Variants in TTC7A observed in about 807,000 individuals in gnomAD.
The protein encoded by TTC7A is tetratricopeptide repeat domain 7A.
Under a neutral mutation model 103.7 loss-of-function variants are expected in TTC7A, and 110 were observed. The ratio of observed to expected loss-of-function variants is 1.06; its 90% CI spans 0.91 to 1.24. The LOEUF (loss-of-function observed/expected upper bound fraction) is 1.24, where lower values mean the gene tolerates loss of function less well. Ranked by LOEUF, TTC7A falls within the 50% of genes most tolerant of loss-of-function variation. The pLI is 0.00. For synonymous variants in TTC7A, 521 were observed against 467.9 expected, an observed-to-expected ratio of 1.11 and a Z score of -1.47; for missense variants, 1,340 against 1,116.3, an observed-to-expected ratio of 1.20 and a Z score of -2.86.
chr2:47,046,452 C>A, intron 16 of TTC7A, 21 bp downstream of exon 16: 1 of 1,603,122 alleles, frequency 6.2e-7, no homozygotes, highest in African/African-American at 1.3e-5. Context: ...GTCATTGTCT[C>A]TTGGGTTGCC....
chr2:46,919,052 T>C (rs1275414572), intron 2 of TTC7A, among the ~76,000 whole-genome samples: 1 of 152,208 alleles, frequency 6.6e-6, no homozygotes, highest in Non-Finnish European at 1.5e-5. Flanking sequence ...CTAGGTGGCA[T>C]CTCTTTCCTC....
intron 16 of TTC7A, among the ~76,000 whole-genome samples, chr2:47,047,660 G>C (rs959942171): frequency 1.4e-4 from 22 of 152,226 alleles, no homozygotes; most frequent in African/African-American, 5.1e-4. Context: ...ATCCTTATCT[G>C]GATGGCTGCT....
intron 11 of TTC7A, among the ~76,000 whole-genome samples, chr2:47,017,514 G>A (rs1678801448): frequency 6.6e-6 from 1 of 152,144 alleles, no homozygotes; most frequent in South Asian, 2.1e-4. Context: ...TCCAGCCTGG[G>A]TTACAGAGCG....
At chr2:47,017,524 G>A (rs1678802732) in intron 11 of TTC7A, among the ~76,000 whole-genome samples, 1 of 152,092 alleles carries the variant, frequency 6.6e-6, no homozygotes, top group Non-Finnish European at 1.5e-5. Context: ...GTTACAGAGC[G>A]AGACCCCATC....
chr2:47,028,546 T>C (rs929444334), intron 14 of TTC7A, among the ~76,000 whole-genome samples: 1 of 152,098 alleles, frequency 6.6e-6, no homozygotes, highest in African/African-American at 2.4e-5. Context: ...CCAGTGAAAA[T>C]TGGGACCCAT....
chr2:47,061,346 G>T (rs1405724063), intron 19 of TTC7A, among the ~76,000 whole-genome samples: 1 of 152,188 alleles, frequency 6.6e-6, no homozygotes, highest in African/African-American at 2.4e-5. Context: ...ACTCTAGGTG[G>T]TTACCAAAAT....
chr2:47,040,383 C>G (rs560366835), intron 15 of TTC7A: 5 of 152,274 alleles, frequency 3.3e-5, no homozygotes, highest in Admixed American at 3.3e-4. Flanking sequence ...TATCATCCTT[C>G]GATGCCGATG....
intron 3 of TTC7A, 181 bp from the exon 4 acceptor site, chr2:46,974,792 C>T (rs754809970): frequency 2.3e-5 from 18 of 791,836 alleles, no homozygotes; most frequent in African/African-American, 3.4e-5. Flanking sequence ...TCGCTTACTC[C>T]CAGCCACTGC....
chr2:46,950,592 T>C, intron 2 of TTC7A, 66 bp downstream of exon 2: 1 of 1,544,910 alleles, frequency 6.5e-7, no homozygotes, highest in Non-Finnish European at 8.8e-7. Context: ...ATCTGTCCAG[T>C]CCTCCCTGAG....
chr2:46,944,253 C>G (rs1670723101), intron 1 of TTC7A, among the ~76,000 whole-genome samples: 1 of 152,132 alleles, frequency 6.6e-6, no homozygotes, highest in African/African-American at 2.4e-5. Context: ...TCCCTTGTAT[C>G]CATCAACCAA....
intron 8 of TTC7A, 119 bp downstream of exon 8, chr2:46,995,318 T>A: frequency 1.0e-6 from 1 of 966,466 alleles, no homozygotes; most frequent in Non-Finnish European, 1.6e-6. Context: ...GGGATACTCC[T>A]AAAGTAGATG....
chr2:46,994,117 A>G, intron 6 of TTC7A: 1 of 506,804 alleles, frequency 2.0e-6, no homozygotes, highest in Non-Finnish European at 3.5e-6. Flanking sequence ...TGTCTAGGAG[A>G]GGAGAGAAGA....
Position 47,048,216 on chromosome 2 carries a change from C to T in TTC7A, c.1920-1733C>T, listed in dbSNP as rs927508809. Reference sequence around the variant, plus strand: ...TTCAACCCTCTCATGTGGGTTTTTGCTAACTGCTCAACTTGAACGGTCCCT... The same window carrying T: ...TTCAACCCTCTCATGTGGGTTTTTGTTAACTGCTCAACTTGAACGGTCCCT... On this transcript the variant is annotated intron_variant, in intron 16 of 19. Transcript: ENST00000319190. 4.7e-4 allele frequency among the ~76,000 whole-genome samples: 71 copies of T among 152,196 alleles called. 1 individual carries two copies. Among genetic ancestry groups the T allele is most frequent in the African/African-American group, 1.6e-3 (68 of 41,444 alleles).
rs1375018090 is a variant in TTC7A, at chr2:47,007,368, C to T, written c.1287+644C>T. On this transcript the variant is annotated intron_variant, in intron 10 of 19. Coordinates refer to ENST00000319190, the MANE Select transcript of TTC7A (RefSeq NM_020458.4). The surrounding 1 kb of genome is among the most constrained non-coding windows in gnomAD (Gnocchi z 4.9). ...CGATCAGAATTATACTTACATAAGC[C>T]TCTATTTTAAGCAGTGACATGAAAG... is the stretch of plus-strand genomic sequence containing the variant. Among the ~76,000 whole-genome samples the T allele has an allele frequency of 1.3e-5, 2 of 152,176 alleles. No individual in the cohort carries two copies. The highest frequency in any genetic ancestry group is 3.9e-4 in the East Asian group (2 of 5,192).
At chr2:47,030,888 A>G (rs764865215) in intron 15 of TTC7A, among the ~76,000 whole-genome samples, 43 of 152,320 alleles carry the variant, frequency 2.8e-4, no homozygotes, top group African/African-American at 1.0e-3. Flanking sequence ...GCTCATGCCT[A>G]TAATCCCAGC....
chr2:46,952,093 G>T (rs1671468649), intron 2 of TTC7A, among the ~76,000 whole-genome samples: 1 of 152,176 alleles, frequency 6.6e-6, no homozygotes, highest in Non-Finnish European at 1.5e-5. Flanking sequence ...GCCAGGATGT[G>T]CAGGGCTTAT....
At chr2:46,969,056 C>G (rs11125108) in intron 3 of TTC7A, among the ~76,000 whole-genome samples, 82,518 of 151,562 alleles carry the variant, frequency 0.54, 23,751 homozygotes, top group East Asian at 0.66. Flanking sequence ...CGTGGGCCAC[C>G]ACTCCTGGCC....
intron 2 of TTC7A, among the ~76,000 whole-genome samples, chr2:46,931,306 G>A (rs1306035508): frequency 2.6e-5 from 4 of 152,296 alleles, no homozygotes; most frequent in Admixed American, 6.5e-5. Flanking sequence ...GGCTAGTCTC[G>A]AACTCCTGGC....
At chr2:46,932,946 T>C (rs1572653592) in intron 2 of TTC7A, among the ~76,000 whole-genome samples, 1 of 148,346 alleles carries the variant, frequency 6.7e-6, no homozygotes, top group Admixed American at 6.7e-5. Context: ...ATTTTAAGGC[T>C]CAAAACTGCT....
Sources: allele counts gnomAD v4.1 joint callset (sites outside exome capture counted in the v4.1 genomes callset), GRCh38; gene constraint gnomAD v4.1.1; non-coding constraint Gnocchi (gnomAD v3.1); transcripts MANE v1.5; gene names NCBI Gene and HGNC (gene_info 2026-07-23, HGNC 2026-07-21).